The following SMAD2 variants were observed in gnomAD, a reference collection of about 807,000 sequenced individuals.
SMAD2 encodes the protein MAD homolog 2.
Under a neutral mutation model 64.4 loss-of-function variants are expected in SMAD2, and 8 were observed. That is an observed-to-expected ratio of 0.12 (90% CI 0.07 to 0.22). SMAD2 has a LOEUF of 0.22. Among genes scored for constraint, SMAD2 ranks in the 10% least tolerant of loss-of-function variants. SMAD2 has a pLI of 1.00. For missense variants in SMAD2, 289 were observed against 561.2 expected (o/e 0.51, Z 4.90); for synonymous variants, 203 against 195.8 (o/e 1.04, Z -0.31).
intron 6 of SMAD2, among the ~76,000 whole-genome samples, chr18:47,852,014 G>A (rs921438586): frequency 6.6e-6 from 1 of 152,110 alleles, no homozygotes; most frequent in Non-Finnish European, 1.5e-5. Context: ...CATAGTAAAG[G>A]GATGCTTGAG....
intron 1 of SMAD2, among the ~76,000 whole-genome samples, chr18:47,904,833 T>C (rs922765060): frequency 6.6e-6 from 1 of 152,208 alleles, no homozygotes; most frequent in Non-Finnish European, 1.5e-5. Context: ...CACTCATCTA[T>C]AATTTAAAAC....
intron 6 of SMAD2, among the ~76,000 whole-genome samples, chr18:47,860,333 G>A (rs1424853805): frequency 5.3e-5 from 8 of 152,092 alleles, no homozygotes; most frequent in East Asian, 3.9e-4. Flanking sequence ...GTGCAGCGGC[G>A]CAAACATGGC....
rs1292809092 is a variant in SMAD2 at position 47,826,177 on chromosome 18, G to GT, written c.*15649dup. On this transcript the variant is annotated 3_prime_UTR_variant, in exon 11 of 11. Transcript: ENST00000262160. ...AGATTAGGCTTCTACTCAATGCTCT[G>GT]TAAGTTAAAACATTTCAAACCAAAT... The GT allele has an allele frequency of 6.6e-6, 1 of 152,190 alleles. No homozygotes were observed. Among genetic ancestry groups the GT allele is most frequent in the Non-Finnish European group, 1.5e-5 (1 of 68,030 alleles). 9.4% of individuals were successfully genotyped at this position (152,190 alleles called of 1,614,324 possible).
At chr18:47,930,804 C>T (rs2034987636), upstream of SMAD2, 1 of 147,426 alleles carries the variant, frequency 6.8e-6, no homozygotes, top group Admixed American at 6.7e-5. Context: ...ACCCACCTCC[C>T]GGCGGCTGGC....
intron 2 of SMAD2, among the ~76,000 whole-genome samples, chr18:47,889,955 ATTAAT>A (rs2033113357): frequency 6.6e-6 from 1 of 152,220 alleles, no homozygotes; most frequent in Non-Finnish European, 1.5e-5. Context: ...ACAGAAATTG[ATTAAT>A]TTAGGTATAA....
In SMAD2 at chr18:47,896,825, A is replaced by G. The variant is rs1438636812; in HGVS notation, c.-53-16T>C. The G allele has an allele frequency of 6.4e-7, 1 of 1,564,220 alleles. No individual in the cohort carries two copies. Among genetic ancestry groups the G allele is most frequent in the African/African-American group, 1.4e-5 (1 of 73,748 alleles). On this transcript the variant is annotated splice_polypyrimidine_tract_variant and intron_variant, in intron 1 of 10. Transcript: ENST00000262160. ...TGTATCGAACCTAGCAGAAATATTG[A>G]AAGGATGATGTAGAGACTACCTTGA...
At position 47,856,108 on chromosome 18, in the gene SMAD2, TAGAA is replaced by T. The variant is rs1299825902; in HGVS notation, c.731-4785_731-4782del. Among the ~76,000 whole-genome samples, 161 of 151,326 alleles carry T rather than the reference TAGAA, an allele frequency of 1.1e-3. 1 individual carries two copies. The highest frequency in any genetic ancestry group is 3.7e-3 in the African/African-American group (152 of 41,268). ...TTATGCCAAGGAAATTAGGTGGACA[TAGAA>T]AGACACATGGCATAATCTCATATGT... On this transcript the variant is annotated intron_variant, in intron 6 of 10. Coordinates refer to ENST00000262160, the MANE Select transcript of SMAD2 (RefSeq NM_005901.6).
At chr18:47,923,843 T>A (rs1050470205) in intron 1 of SMAD2, among the ~76,000 whole-genome samples, 1 of 152,186 alleles carries the variant, frequency 6.6e-6, no homozygotes, top group Non-Finnish European at 1.5e-5. Flanking sequence ...CGAGCAGAAA[T>A]GGCCAATGCA....
At chr18:47,925,568 T>C (rs962433567) in intron 1 of SMAD2, among the ~76,000 whole-genome samples, 2 of 110,664 alleles carry the variant, frequency 1.8e-5, no homozygotes, top group Non-Finnish European at 4.0e-5. Context: ...ATCTTTGAGA[T>C]GTAAATCTAG....
At chr18:47,856,692 C>T (rs538166586) in intron 6 of SMAD2, among the ~76,000 whole-genome samples, 77 of 152,198 alleles carry the variant, frequency 5.1e-4, no homozygotes, top group Non-Finnish European at 8.4e-4. Flanking sequence ...AATCTGACAT[C>T]CTACTGAATT....
At chr18:47,852,351 G>A (rs1037448116) in intron 6 of SMAD2, among the ~76,000 whole-genome samples, 3 of 152,040 alleles carry the variant, frequency 2.0e-5, no homozygotes, top group Admixed American at 6.6e-5. Context: ...CAGTGATGAC[G>A]GTGGATATCT....
rs1912377006 is a variant in SMAD2, at chr18:47,816,617, C to T, written c.*25210G>A. On this transcript the variant is annotated 3_prime_UTR_variant, in exon 11 of 11. Coordinates refer to ENST00000262160, the MANE Select transcript of SMAD2 (RefSeq NM_005901.6). Reference sequence around the variant, plus strand: ...ATACTTTTGCCTAGCCACTGCCTGTCCAACTTCAGAGTGGCACCACCCTTG... The same window carrying T: ...ATACTTTTGCCTAGCCACTGCCTGTTCAACTTCAGAGTGGCACCACCCTTG... 6.6e-6 allele frequency: 1 copy of T among 152,194 alleles called. No homozygotes were observed. The highest frequency in any genetic ancestry group is 2.4e-5 in the African/African-American group (1 of 41,446). 9.4% of individuals were successfully genotyped at this position (152,194 alleles called of 1,614,324 possible).
chr18:47,821,586 C>T lies in SMAD2; in HGVS notation c.*20241G>A, dbSNP rs1478440039. ...GTACACTCATAACCTTGGAAATACT[C>T]TTCCTGTGTCTGATTAAATTCAAGT... is the stretch of plus-strand genomic sequence containing the variant. On this transcript the variant is annotated 3_prime_UTR_variant, in exon 11 of 11. Coordinates refer to ENST00000262160, the MANE Select transcript of SMAD2 (RefSeq NM_005901.6). 2 of 152,186 alleles carry T rather than the reference C, an allele frequency of 1.3e-5. No individual in the cohort carries two copies. The highest frequency in any genetic ancestry group is 2.9e-5 in the Non-Finnish European group (2 of 68,026). The allele number at this position is 152,186 out of a possible 1,614,324, so 9.4% of individuals were successfully genotyped here.
intron 6 of SMAD2, among the ~76,000 whole-genome samples, chr18:47,861,816 CTT>C (rs1203317816): frequency 1.3e-5 from 2 of 152,202 alleles, no homozygotes. Context: ...GTTAACTCCT[CTT>C]AACATTTTAA....
intron 6 of SMAD2, among the ~76,000 whole-genome samples, chr18:47,852,539 C>T (rs1432245205): frequency 6.6e-6 from 1 of 152,148 alleles, no homozygotes; most frequent in Non-Finnish European, 1.5e-5. Flanking sequence ...AATGTTATGA[C>T]AATCTAGCAG....
intron 2 of SMAD2, among the ~76,000 whole-genome samples, chr18:47,889,685 G>A (rs2144448749): frequency 6.6e-6 from 1 of 151,930 alleles, no homozygotes; most frequent in African/African-American, 2.4e-5. Flanking sequence ...GCAGGAGAAT[G>A]GCGTGAATCC....
In SMAD2 at chr18:47,924,531, G is replaced by A. The variant is rs188313604; in HGVS notation, c.-54+5830C>T. Reference sequence around the variant, plus strand: ...GGCTGGAGAGCAGTCGCGGGATCTCGGCTAACTGCAACCTCGGCCTCCCCG... The same window carrying A: ...GGCTGGAGAGCAGTCGCGGGATCTCAGCTAACTGCAACCTCGGCCTCCCCG... On this transcript the variant is annotated intron_variant, in intron 1 of 10. Transcript: ENST00000262160. 2.6e-4 allele frequency among the ~76,000 whole-genome samples: 40 copies of A among 150,970 alleles called. No homozygotes were observed. In the East Asian group the frequency reaches 5.4e-3, roughly 20 times the overall value.
intron 2 of SMAD2, among the ~76,000 whole-genome samples, chr18:47,877,234 T>C (rs2032318832): frequency 6.6e-6 from 1 of 151,432 alleles, no homozygotes; most frequent in Non-Finnish European, 1.5e-5. Context: ...AAAAGCATGC[T>C]GAACACTCAG....
At chr18:47,864,941 CT>C in intron 6 of SMAD2, 117 bp downstream of exon 6, 2 of 694,094 alleles carry the variant, frequency 2.9e-6, no homozygotes, top group Admixed American at 2.1e-5. Flanking sequence ...AGAAGATCAT[CT>C]TTTTTGGTAT....
Sources: gnomAD v4.1 joint callset for allele counts (sites outside exome capture counted in the v4.1 genomes callset) on GRCh38, gnomAD v4.1.1 for gene constraint, MANE v1.5 for transcripts, NCBI Gene and HGNC (gene_info 2026-07-23, HGNC 2026-07-21) for gene names.